Variants in MTUS2 observed in about 807,000 individuals in gnomAD.
The protein encoded by MTUS2 is microtubule associated scaffold protein 2, also known as microtubule-associated tumor suppressor candidate 2.
In MTUS2, 40 loss-of-function variants were observed where a neutral mutation model predicts 114.1. That is an observed-to-expected ratio of 0.35 (90% CI 0.27 to 0.46). The LOEUF (loss-of-function observed/expected upper bound fraction) is 0.46. MTUS2 is among the 20% of genes least tolerant of loss of function. The pLI, the probability that MTUS2 is intolerant of heterozygous loss-of-function variation, is 1.00. For missense variants in MTUS2, 1,679 were observed against 1,705.4 expected, an observed-to-expected ratio of 0.98 and a Z score of 0.27; for synonymous variants, 688 against 672.0, an observed-to-expected ratio of 1.02 and a Z score of -0.37.
chr13:29,059,463 C>CT, intron 4 of MTUS2, among the ~76,000 whole-genome samples: 1 of 152,260 alleles, frequency 6.6e-6, no homozygotes, highest in East Asian at 1.9e-4. Context: ...AATCTACTCT[C>CT]TGAGTGCTTC....
intron 14 of MTUS2, among the ~76,000 whole-genome samples, chr13:29,498,957 A>G (rs1486206036): frequency 2.0e-5 from 3 of 152,150 alleles, no homozygotes; most frequent in Non-Finnish European, 4.4e-5. Flanking sequence ...ACAGATGCGG[A>G]GATGGAGCTA....
intron 5 of MTUS2, among the ~76,000 whole-genome samples, chr13:29,200,708 C>T (rs1235917215): frequency 6.6e-6 from 1 of 151,788 alleles, no homozygotes; most frequent in East Asian, 1.9e-4. Flanking sequence ...TTAGTAGGGA[C>T]AGGGATTCTC....
intron 4 of MTUS2, among the ~76,000 whole-genome samples, chr13:29,086,919 G>A (rs186915797): frequency 5.4e-4 from 82 of 152,224 alleles, no homozygotes; most frequent in Non-Finnish European, 1.0e-3. Flanking sequence ...AATGTTATTG[G>A]TGTATATGGT....
At chr13:28,824,904 T>C (rs957130350) in intron 1 of MTUS2, among the ~76,000 whole-genome samples, 2 of 152,098 alleles carry the variant, frequency 1.3e-5, no homozygotes, top group Non-Finnish European at 2.9e-5. Flanking sequence ...TTATGGGGAA[T>C]TGCTATTTCA....
At chr13:28,989,946 G>A (rs1193754645) in intron 2 of MTUS2, among the ~76,000 whole-genome samples, 3 of 151,936 alleles carry the variant, frequency 2.0e-5, no homozygotes, top group African/African-American at 7.3e-5. Flanking sequence ...CACCTATGAG[G>A]GTCAGATTTG....
intron 8 of MTUS2, among the ~76,000 whole-genome samples, chr13:29,386,360 C>T (rs1184517476): frequency 6.6e-6 from 1 of 152,152 alleles, no homozygotes; most frequent in East Asian, 1.9e-4. Flanking sequence ...TAAGAGGAGA[C>T]ATCAAGGGTA....
chr13:29,166,956 A>T (rs953579816), intron 5 of MTUS2, among the ~76,000 whole-genome samples: 9 of 152,226 alleles, frequency 5.9e-5, no homozygotes, highest in African/African-American at 2.2e-4. Context: ...CTGTGGCTGT[A>T]TGATAGGAAG....
intron 8 of MTUS2, among the ~76,000 whole-genome samples, chr13:29,420,360 C>T (rs752260425): frequency 6.6e-6 from 1 of 151,070 alleles, no homozygotes; most frequent in Non-Finnish European, 1.5e-5. Context: ...TCAATGCAAC[C>T]TCTGCCTCTT....
intron 5 of MTUS2, among the ~76,000 whole-genome samples, chr13:29,120,385 C>A (rs1891258910): frequency 6.6e-6 from 1 of 151,786 alleles, no homozygotes; most frequent in African/African-American, 2.4e-5. Flanking sequence ...TCACAAATAT[C>A]CATGATTATT....
intron 2 of MTUS2, among the ~76,000 whole-genome samples, chr13:28,917,649 T>G (rs1418857355): frequency 2.0e-5 from 3 of 151,828 alleles, no homozygotes; most frequent in Non-Finnish European, 4.4e-5. Context: ...ATTTGTCAAT[T>G]TTATTTATTC....
At chr13:29,471,519 T>C (rs928990764) in intron 9 of MTUS2, among the ~76,000 whole-genome samples, 1 of 152,122 alleles carries the variant, frequency 6.6e-6, no homozygotes, top group African/African-American at 2.4e-5. Context: ...TGAACACAGA[T>C]ACAAAAATGA....
At chr13:29,272,041 G>A (rs1367399992) in intron 5 of MTUS2, among the ~76,000 whole-genome samples, 1 of 151,998 alleles carries the variant, frequency 6.6e-6, no homozygotes, top group Non-Finnish European at 1.5e-5. Flanking sequence ...ACTTTTCTTA[G>A]TCAAATATTT....
chr13:29,005,633 C>T (rs1285056236), intron 2 of MTUS2, among the ~76,000 whole-genome samples: 1 of 152,154 alleles, frequency 6.6e-6, no homozygotes, highest in Non-Finnish European at 1.5e-5. Flanking sequence ...GTGCAGCCGT[C>T]GTCTTGGACA....
Position 28,913,848 on chromosome 13 carries a change from G to GGT in MTUS2, c.-243+74007_-243+74008dup, listed in dbSNP as rs1422454258. 2.0e-5 allele frequency among the ~76,000 whole-genome samples: 3 copies of GGT among 151,936 alleles called. No individual in the cohort carries two copies. In the East Asian group the frequency reaches 5.8e-4, roughly 29 times the overall value. Reference sequence around the variant, plus strand: ...TTTCTTCTTGATTCAGTCTTGTGAGGGTGTGTGTGTCTAGAAATTTATCCA... The same window carrying GGT: ...TTTCTTCTTGATTCAGTCTTGTGAGGGTGTGTGTGTGTCTAGAAATTTATCCA... On this transcript the variant is annotated intron_variant, in intron 2 of 15. Coordinates refer to ENST00000612955, the MANE Select transcript of MTUS2 (RefSeq NM_001033602.4).
chr13:28,885,266 T>TA (rs1878525770), intron 2 of MTUS2, among the ~76,000 whole-genome samples: 1 of 152,142 alleles, frequency 6.6e-6, no homozygotes, highest in African/African-American at 2.4e-5. Flanking sequence ...CAACTAGATT[T>TA]AAAAACGTTC....
intron 2 of MTUS2, among the ~76,000 whole-genome samples, chr13:28,997,895 A>T (rs1449189952): frequency 2.0e-5 from 3 of 152,144 alleles, no homozygotes; most frequent in Non-Finnish European, 4.4e-5. Flanking sequence ...TTTACATTTA[A>T]GGTTAGTATT....
At chr13:29,366,406 T>C (rs2388087) in intron 8 of MTUS2, among the ~76,000 whole-genome samples, 143,868 of 152,206 alleles carry the variant, frequency 0.95, 68,413 homozygotes, top group East Asian at 1. Flanking sequence ...TCCCATAACA[T>C]GTGGGAATTG....
At chr13:29,227,364 G>A (rs530517912) in intron 5 of MTUS2, among the ~76,000 whole-genome samples, 3 of 152,198 alleles carry the variant, frequency 2.0e-5, no homozygotes, top group Non-Finnish European at 4.4e-5. Flanking sequence ...CCCTCTTTGG[G>A]AGTTTCAGCT....
At chr13:29,008,604 A>T (rs1264677640) in intron 2 of MTUS2, among the ~76,000 whole-genome samples, 1 of 151,984 alleles carries the variant, frequency 6.6e-6, no homozygotes, top group African/African-American at 2.4e-5. Context: ...TTCTGTATTC[A>T]CCCTTGATTT....
Sources: allele counts gnomAD v4.1 joint callset (sites outside exome capture counted in the v4.1 genomes callset), GRCh38; gene constraint gnomAD v4.1.1; transcripts MANE v1.5; gene names NCBI Gene and HGNC (gene_info 2026-07-23, HGNC 2026-07-21).